The following KIR2DL3 variants were observed in gnomAD, a reference collection of about 807,000 sequenced individuals.
The protein encoded by KIR2DL3 is killer cell immunoglobulin-like receptor 2DL3.
In KIR2DL3, 39 loss-of-function variants were observed where a neutral mutation model predicts 33.8. The observed-to-expected ratio is 1.15, with a 90% CI of 0.89 to 1.51. KIR2DL3 has a LOEUF of 1.51. Among genes scored for constraint, KIR2DL3 ranks in the 40% most tolerant of loss-of-function variants. The pLI is 0.00. For missense variants in KIR2DL3, 462 were observed against 426.2 expected (o/e 1.08, Z -0.74); for synonymous variants, 174 against 160.2 (o/e 1.09, Z -0.65).
In KIR2DL3 at chr19:54,751,589, A is replaced by G. The variant is rs145458924; in HGVS notation, c.716-60A>G. 2,182 of 1,280,674 alleles carry G rather than the reference A, an allele frequency of 1.7e-3. 415 individuals carry two copies. The African/African-American group carries it at 0.031, about 18-fold the overall frequency. 79.3% of individuals were successfully genotyped at this position (1,280,674 alleles called of 1,614,324 possible). On this transcript the variant is annotated intron_variant, in intron 5 of 7. Coordinates refer to ENST00000342376, the MANE Select transcript of KIR2DL3 (RefSeq NM_015868.3). ...TTACCTGTCAATCAAGAAATGTGAG[A>G]CAATTCATAAAGAGGAACTGCTATG... is the stretch of plus-strand genomic sequence containing the variant.
intron 4 of KIR2DL3, among the ~76,000 whole-genome samples, chr19:54,745,785 C>T (rs2072387476): frequency 1.3e-5 from 2 of 150,222 alleles, no homozygotes; most frequent in African/African-American, 4.9e-5. Context: ...TTTCCTTTGC[C>T]TGTCTTGCAG....
At position 54,739,526 on chromosome 19, in the gene KIR2DL3, G is replaced by A. The variant is rs772051182; in HGVS notation, c.54G>A (p.Gly18=). 5.0e-6 allele frequency: 8 copies of A among 1,614,064 alleles called. No individual in the cohort carries two copies. Among genetic ancestry groups the A allele is most frequent in the South Asian group, 3.3e-5 (3 of 91,084 alleles). ...MVCVGFFLLQ[G]AWPHEGVHRK... is the part of the protein sequence containing the mutation. ...TTCCAGGGTTCTTCTTGCTGCAGGG[G>A]GCCTGGCCACATGAGGGTGAGTCCT... The change falls in exon 2 of 8, where the codon GGG becomes GGA. Residue 18 remains glycine (G), a synonymous_variant. Coordinates refer to ENST00000342376, the MANE Select transcript of KIR2DL3 (RefSeq NM_015868.3).
At chr19:54,744,954 A>ATATATATATATATT (rs1398407460) in intron 4 of KIR2DL3, among the ~76,000 whole-genome samples, 4 of 31,276 alleles carry the variant, frequency 1.3e-4, no homozygotes, top group Non-Finnish European at 2.4e-4. Flanking sequence ...ATATATATAT[A>ATATATATATATATT]TTTTTTTTTT....
chr19:54,741,827 T>G (rs1341664599), intron 2 of KIR2DL3, among the ~76,000 whole-genome samples, 153 bp from the exon 3 acceptor site: 112 of 151,622 alleles, frequency 7.4e-4, no homozygotes, highest in Non-Finnish European at 1.4e-3. Flanking sequence ...TGGAAGGACC[T>G]GCACCAGGAG....
At chr19:54,743,222 T>C (rs1243080096) in intron 3 of KIR2DL3, among the ~76,000 whole-genome samples, 22 of 152,158 alleles carry the variant, frequency 1.4e-4, no homozygotes, top group African/African-American at 4.8e-4. Flanking sequence ...AGATGATGAT[T>C]GATTGATTCA....
chr19:54,748,961 T>C (rs1383101060), intron 5 of KIR2DL3, among the ~76,000 whole-genome samples: 1 of 151,674 alleles, frequency 6.6e-6, no homozygotes, highest in Non-Finnish European at 1.5e-5. Context: ...ATGCTGAGTG[T>C]ATGATTTCAG....
chr19:54,747,491 T>C lies in KIR2DL3; in HGVS notation c.715+106T>C. On this transcript the variant is annotated intron_variant, in intron 5 of 7. Transcript: ENST00000342376. ...TCGCAGCTCTGACATTGTACGCCTGTCTTCTACCATCTCCGAACTCCAGAT... is the reference window on the plus strand; with the variant it reads ...TCGCAGCTCTGACATTGTACGCCTGCCTTCTACCATCTCCGAACTCCAGAT... 2.9e-6 allele frequency: 4 copies of C among 1,399,204 alleles called. No individual in the cohort carries two copies. The East Asian group carries it at 6.8e-5, about 24-fold the overall frequency. The allele number at this position is 1,399,204 out of a possible 1,614,324, so 86.7% of individuals were successfully genotyped here.
At chr19:54,740,408 T>C (rs1240064877) in intron 2 of KIR2DL3, among the ~76,000 whole-genome samples, 1 of 150,194 alleles carries the variant, frequency 6.7e-6, no homozygotes, top group Non-Finnish European at 1.5e-5. Context: ...GTCCCTGAGC[T>C]CTACAACAGA....
chr19:54,742,771 A>G (rs1410942845), intron 3 of KIR2DL3, among the ~76,000 whole-genome samples: 2 of 151,276 alleles, frequency 1.3e-5, no homozygotes. Context: ...CCAGGATATC[A>G]TGGCCCCAGA....
intron 4 of KIR2DL3, among the ~76,000 whole-genome samples, chr19:54,746,760 A>G (rs1161110906): frequency 6.7e-6 from 1 of 150,072 alleles, no homozygotes; most frequent in Non-Finnish European, 1.5e-5. Context: ...AGGCGGGTGG[A>G]TCACCTGAGG....
rs780862785 is a variant in KIR2DL3 at position 54,743,994 on chromosome 19, C to G, written c.570C>G (p.Ala190=). ...TFQADFPLGP[A]THGGTYRCFG... ...AGGCCGACTTTCCTCTGGGCCCTGC[C>G]ACCCACGGAGGAACCTACAGATGCT... The change falls in exon 4 of 8, where the codon GCC becomes GCG. Residue 190 remains alanine, a synonymous_variant. Transcript: ENST00000342376. The G allele has an allele frequency of 1.5e-5, 25 of 1,614,114 alleles. No individual in the cohort carries two copies. In the African/African-American group the frequency reaches 2.7e-4, roughly 17 times the overall value.
Position 54,752,554 on chromosome 19 carries a change from C to G in KIR2DL3, c.*35C>G. 1 of 1,462,538 alleles carries G rather than the reference C, an allele frequency of 6.8e-7. No individual in the cohort carries two copies. Among genetic ancestry groups the G allele is most frequent in the Non-Finnish European group, 9.3e-7 (1 of 1,075,348 alleles). The allele number at this position is 1,462,538 out of a possible 1,614,324, so 90.6% of individuals were successfully genotyped here. On this transcript the variant is annotated 3_prime_UTR_variant, in exon 8 of 8. Transcript: ENST00000342376. ...GTCTCCTGCCCATGAGCACCACAGT[C>G]AGGCCTTGAGGGGATCTTCTAGGGA...
intron 5 of KIR2DL3, among the ~76,000 whole-genome samples, chr19:54,748,209 T>G (rs2147143135): frequency 6.6e-6 from 1 of 151,882 alleles, no homozygotes; most frequent in South Asian, 2.1e-4. Context: ...GCCTTCTTCC[T>G]TACCACACCT....
rs2071678577 is a variant in KIR2DL3 at position 54,743,859 on chromosome 19, G to A, written c.435G>A (p.Val145=). 6.2e-7 allele frequency: 1 copy of A among 1,613,630 alleles called. No individual in the cohort carries two copies. The highest frequency in any genetic ancestry group is 1.3e-5 in the African/African-American group (1 of 74,784). ...PGPTVLAGES[V]TLSCSSRSSY... ...CCACGGTTCTGGCAGGAGAGAGCGTGACCTTGTCCTGCAGCTCCCGGAGCT... is the reference window on the plus strand; with the variant it reads ...CCACGGTTCTGGCAGGAGAGAGCGTAACCTTGTCCTGCAGCTCCCGGAGCT... Residue 145 remains valine (V), a synonymous_variant, in exon 4 of 8, where the codon GTG becomes GTA. Coordinates refer to ENST00000342376, the MANE Select transcript of KIR2DL3 (RefSeq NM_015868.3).
chr19:54,744,897 T>TATATATATATATATATATAC (rs1555906428), intron 4 of KIR2DL3, among the ~76,000 whole-genome samples: 10 of 57,454 alleles, frequency 1.7e-4, no homozygotes, highest in Non-Finnish European at 3.5e-4. Flanking sequence ...TATATATATA[T>TATATATATATATATATATAC]ACACACACAC....
At chr19:54,746,876 G>T (rs2147125030) in intron 4 of KIR2DL3, among the ~76,000 whole-genome samples, 1 of 148,076 alleles carries the variant, frequency 6.8e-6, no homozygotes, top group Admixed American at 7.0e-5. Flanking sequence ...CCACTACTCA[G>T]GAGTTTGAGG....
chr19:54,742,308 A>C (rs759222334), intron 3 of KIR2DL3, 29 bp downstream of exon 3: 1 of 1,611,928 alleles, frequency 6.2e-7, no homozygotes, highest in Non-Finnish European at 8.5e-7. Flanking sequence ...TCTCATTGTC[A>C]TTGGGATGCA....
At chr19:54,742,383 T>C in intron 3 of KIR2DL3, 104 bp downstream of exon 3, 7 of 1,493,982 alleles carry the variant, frequency 4.7e-6, no homozygotes, top group Middle Eastern at 2.0e-4. Context: ...GGTATTCTTA[T>C]GGAGAGAGAC....
rs1555911680 is a variant in KIR2DL3 at position 54,747,326 on chromosome 19, G to C, written c.665-9G>C. 1,332 of 1,571,630 alleles carry C rather than the reference G, an allele frequency of 8.5e-4. 3 individuals are homozygous for C. The African/African-American group carries it at 0.017, about 20-fold the overall frequency. On this transcript the variant is annotated splice_polypyrimidine_tract_variant and intron_variant, in intron 4 of 7. Transcript: ENST00000342376. The stretch of plus-strand genomic sequence containing the variant: ...CATTTCCTCACCTCTCTCCTGTCTC[G>C]TGTTCTAGGAAACCCTTCAAATAGT...
Sources: gnomAD v4.1 joint callset for allele counts (sites outside exome capture counted in the v4.1 genomes callset) on GRCh38, gnomAD v4.1.1 for gene constraint, MANE v1.5 for transcripts, NCBI Gene and HGNC (gene_info 2026-07-23, HGNC 2026-07-21) for gene names.